AHRR: variants seen among roughly 807,000 people sequenced by gnomAD.
The protein encoded by AHRR is aryl hydrocarbon receptor repressor, also known as ahR repressor.
AHRR carries 28 observed loss-of-function variants against 44.0 expected under a neutral mutation model. That is an observed-to-expected ratio of 0.64 (90% CI 0.47 to 0.87). AHRR has a LOEUF of 0.87. Among genes scored for constraint, AHRR ranks in the 40% least tolerant of loss-of-function variants. The pLI is 0.00. For missense variants in AHRR, 990 were observed against 953.9 expected, an observed-to-expected ratio of 1.04 and a Z score of -0.50; for synonymous variants, 434 against 407.0, an observed-to-expected ratio of 1.07 and a Z score of -0.80.
intron 8 of AHRR, among the ~76,000 whole-genome samples, chr5:431,721 C>T (rs1736742913): frequency 6.6e-6 from 1 of 152,184 alleles, no homozygotes; most frequent in African/African-American, 2.4e-5. Flanking sequence ...TTCCTGAAGC[C>T]CATTCTGTGA....
At chr5:325,618 G>A (rs1376684373) in intron 1 of AHRR, among the ~76,000 whole-genome samples, 1 of 152,074 alleles carries the variant, frequency 6.6e-6, no homozygotes, top group Non-Finnish European at 1.5e-5. Context: ...CCCTTCCGAA[G>A]CATCCGTCCC....
chr5:360,362 G>C (rs1199400763), intron 3 of AHRR, among the ~76,000 whole-genome samples: 3 of 152,246 alleles, frequency 2.0e-5, no homozygotes, highest in African/African-American at 7.2e-5. Context: ...TGTTGTTTAA[G>C]CCCCCGGACG....
chr5:423,377 A>G (rs545307609), intron 6 of AHRR, among the ~76,000 whole-genome samples: 162 of 152,248 alleles, frequency 1.1e-3, no homozygotes, highest in African/African-American at 3.3e-3. Context: ...TTGACAGGCA[A>G]TGACAGGCGG....
intron 3 of AHRR, 25 bp from the exon 4 acceptor site, chr5:376,585 T>TA: frequency 4.2e-6 from 2 of 471,186 alleles, no homozygotes; most frequent in Non-Finnish European, 5.5e-6. Flanking sequence ...TGGGGGTGCC[T>TA]AATGTGTCTT....
rs1246741930 is a variant in AHRR, at chr5:391,338, G to T, written c.351+14622G>T. Among the ~76,000 whole-genome samples, 225 of 128,550 alleles carry T rather than the reference G, an allele frequency of 1.8e-3. 3 individuals are homozygous for T. Among genetic ancestry groups the T allele is most frequent in the African/African-American group, 5.5e-3 (196 of 35,480 alleles). The allele number at this position is 128,550 out of a possible 152,430, so 84.3% of individuals were successfully genotyped here. ...CAGAGCGTGCACGGGCGCAGGGCGA[G>T]GCGGGCGCAGGGCGAGGCAGGGCCA... is the stretch of plus-strand genomic sequence containing the variant. On this transcript the variant is annotated intron_variant, in intron 4 of 10. Coordinates refer to ENST00000684583, the MANE Select transcript of AHRR (RefSeq NM_001377236.1).
rs1200848525 is a variant in AHRR, at chr5:326,734, GC to G, written c.-11+4919del. Reference sequence around the variant, plus strand: ...CAGAAACAGTTCCAATTTCTCCATAGCCCCACTGACCCTTGTTATGTTCCAT... The same window carrying G: ...CAGAAACAGTTCCAATTTCTCCATAGCCCACTGACCCTTGTTATGTTCCAT... On this transcript the variant is annotated intron_variant, in intron 1 of 10. Transcript: ENST00000684583. This position sits in a 1 kb window ranked among gnomAD's most constrained non-coding sequence, Gnocchi z 4.1. Among the ~76,000 whole-genome samples, 2 of 151,992 alleles carry G rather than the reference GC, an allele frequency of 1.3e-5. No individual in the cohort carries two copies. Among genetic ancestry groups the G allele is most frequent in the East Asian group, 3.9e-4 (2 of 5,192 alleles).
intron 3 of AHRR, 144 bp from the exon 4 acceptor site, chr5:376,466 C>T (rs942144004): frequency 8.7e-4 from 13 of 14,936 alleles, no homozygotes; most frequent in African/African-American, 1.1e-3. Flanking sequence ...GCTGCGTGGC[C>T]TGCAGAGGGG....
In AHRR at chr5:353,832, T is replaced by A; in HGVS notation, c.165T>A (p.Pro55=). The A allele has an allele frequency of 6.2e-7, 1 of 1,614,110 alleles. No individual in the cohort carries two copies. Among genetic ancestry groups the A allele is most frequent in the Non-Finnish European group, 8.5e-7 (1 of 1,180,014 alleles). ...DHLASLLPFP[P]DIISKLDKLS... ...TGGCCAGCCTGCTGCCGTTCCCGCC[T>A]GACATCATCTCCAAGCTGGACAAGC... Residue 55 remains proline, a synonymous_variant, in exon 3 of 11, where the codon CCT becomes CCA. Transcript: ENST00000684583.
chr5:399,736 G>C (rs1734930366), intron 4 of AHRR, among the ~76,000 whole-genome samples: 1 of 152,240 alleles, frequency 6.6e-6, no homozygotes, highest in South Asian at 2.1e-4. Context: ...AACCGAGCGG[G>C]GCTGCAGTGG....
intron 2 of AHRR, among the ~76,000 whole-genome samples, chr5:350,788 AAAAG>A (rs1742833204): frequency 6.6e-6 from 1 of 152,066 alleles, no homozygotes. Context: ...AAAAAAAAAA[AAAAG>A]AAGTGGAAAG....
rs1362026539 is a variant in AHRR, at chr5:355,277, A to AGTGGGCACCACCCTGCATGCACCTGGGC, written c.244+1367_244+1394dup. Among the ~76,000 whole-genome samples, 125 of 152,054 alleles carry AGTGGGCACCACCCTGCATGCACCTGGGC rather than the reference A, an allele frequency of 8.2e-4. 1 individual carries two copies. The highest frequency in any genetic ancestry group is 3.3e-3 in the Admixed American group (50 of 15,278). On this transcript the variant is annotated intron_variant, in intron 3 of 10. Coordinates refer to ENST00000684583, the MANE Select transcript of AHRR (RefSeq NM_001377236.1). ...CAGTTGGTGTGGTCTGGTGTGGTGGAGTGGGCACCACCCTGCATGCACCTG... is the reference window on the plus strand; with the variant it reads ...CAGTTGGTGTGGTCTGGTGTGGTGGAGTGGGCACCACCCTGCATGCACCTGGGCGTGGGCACCACCCTGCATGCACCTG...
At chr5:366,737 A>G (rs1013113294) in intron 3 of AHRR, among the ~76,000 whole-genome samples, 3 of 152,246 alleles carry the variant, frequency 2.0e-5, no homozygotes, top group Non-Finnish European at 4.4e-5. Context: ...ACCCCGCAAC[A>G]GGATGAGTGG....
intron 5 of AHRR, among the ~76,000 whole-genome samples, chr5:416,372 T>C (rs1003622555): frequency 2.6e-5 from 4 of 152,246 alleles, no homozygotes; most frequent in African/African-American, 9.6e-5. Context: ...ACGGGGCCAC[T>C]GAGCAGGGGA....
At chr5:421,217 C>G in intron 5 of AHRR, 1 of 681,028 alleles carries the variant, frequency 1.5e-6, no homozygotes, top group Non-Finnish European at 2.7e-6. Context: ...CCAGCGGCCT[C>G]CTCGTCGGCA....
rs757224157 is a variant in AHRR at position 422,790 on chromosome 5, GC to G, written c.505del (p.Arg169GlyfsTer49). ...CACGTGGACGACCGCCAGGACTTCT[GC>G]CGGCAGCTCCACTGGGCCATGGACC... ...YIHVDDRQDF[C>X]RQLHWAMDPP... On this transcript the variant is annotated frameshift_variant, in exon 6 of 11. Transcript: ENST00000684583. The G allele has an allele frequency of 6.2e-7, 1 of 1,614,138 alleles. No individual in the cohort carries two copies. Among genetic ancestry groups the G allele is most frequent in the South Asian group, 1.1e-5 (1 of 91,078 alleles).
intron 3 of AHRR, among the ~76,000 whole-genome samples, chr5:373,800 C>T (rs1338171074): frequency 6.6e-6 from 1 of 151,264 alleles, no homozygotes; most frequent in African/African-American, 2.4e-5. Context: ...CCCCGCCACG[C>T]GCCTGGCGCT....
chr5:344,013 G>C (rs1358158675), intron 2 of AHRR, 49 bp downstream of exon 2: 7 of 1,556,774 alleles, frequency 4.5e-6, no homozygotes, highest in Non-Finnish European at 6.1e-6. Flanking sequence ...CCCATGGAAG[G>C]GGAGGGTTGG....
rs115576258 is a variant in AHRR, at chr5:405,751, C to T, written c.352-7593C>T. 5.1e-3 allele frequency among the ~76,000 whole-genome samples: 770 copies of T among 152,356 alleles called. 6 individuals are homozygous for T. Among genetic ancestry groups the T allele is most frequent in the African/African-American group, 0.012 (481 of 41,580 alleles). ...GGTCGTAACATCTTACTGCTCCCCT[C>T]GCAGACTGTTGAGTTGGTCTTTGAC... On this transcript the variant is annotated intron_variant, in intron 4 of 10. Transcript: ENST00000684583. The surrounding 1 kb of genome is among the most constrained non-coding windows in gnomAD (Gnocchi z 4.5).
At chr5:347,319 T>C (rs1431611247) in intron 2 of AHRR, among the ~76,000 whole-genome samples, 1 of 152,224 alleles carries the variant, frequency 6.6e-6, no homozygotes, top group Non-Finnish European at 1.5e-5. Flanking sequence ...CAGTTTTGAT[T>C]TTACATATAG....
Sources: allele counts gnomAD v4.1 joint callset (sites outside exome capture counted in the v4.1 genomes callset), GRCh38; gene constraint gnomAD v4.1.1; non-coding constraint Gnocchi (gnomAD v3.1); transcripts MANE v1.5; gene names NCBI Gene and HGNC (gene_info 2026-07-23, HGNC 2026-07-21).